Variants in DHX34 observed in about 807,000 individuals in gnomAD.
DHX34 encodes DExH-box helicase 34.
Under a neutral mutation model 111.1 loss-of-function variants are expected in DHX34, and 96 were observed. The observed-to-expected ratio is 0.86, with a 90% CI of 0.73 to 1.02. The LOEUF (loss-of-function observed/expected upper bound fraction) is 1.02. Ranked by LOEUF, DHX34 falls within the 50% of genes least tolerant of loss-of-function variation. DHX34 has a pLI of 0.00. For synonymous variants in DHX34, 688 were observed against 670.4 expected, an observed-to-expected ratio of 1.03 and a Z score of -0.41; for missense variants, 1,560 against 1,579.9, an observed-to-expected ratio of 0.99 and a Z score of 0.21.
At position 47,375,715 on chromosome 19, in the gene DHX34, G is replaced by A. The variant is rs760398144; in HGVS notation, c.2307+7G>A. ...TGATGGCGTGGACATCCAGGTGGGC[G>A]CCATGGGCTGTGGGGTGTGGGGGTT... On this transcript the variant is annotated splice_region_variant and intron_variant, in intron 10 of 16. Transcript: ENST00000328771. 8 of 1,561,430 alleles carry A rather than the reference G, an allele frequency of 5.1e-6. No individual in the cohort carries two copies. The highest frequency in any genetic ancestry group is 2.7e-5 in the African/African-American group (2 of 73,590).
chr19:47,359,300 A>G (rs1599757351), intron 4 of DHX34, among the ~76,000 whole-genome samples: 1 of 152,242 alleles, frequency 6.6e-6, no homozygotes, highest in East Asian at 1.9e-4. Flanking sequence ...TGTCTCTACA[A>G]AACGGAAGAA....
chr19:47,359,519 T>C (rs549337593), intron 4 of DHX34, among the ~76,000 whole-genome samples: 1 of 151,094 alleles, frequency 6.6e-6, no homozygotes, highest in South Asian at 2.1e-4. Context: ...TGGTGGCTCA[T>C]GCCTGTAATC....
chr19:47,376,997 T>C, intron 12 of DHX34, 103 bp from the exon 13 acceptor site: 1 of 1,584,240 alleles, frequency 6.3e-7, no homozygotes, highest in South Asian at 1.1e-5. Flanking sequence ...GCCGTAAGCA[T>C]ACTCTTTCTA....
chr19:47,373,546 C>G (rs536829942), intron 8 of DHX34, 53 bp from the exon 9 acceptor site: 1 of 1,582,740 alleles, frequency 6.3e-7, no homozygotes, highest in Non-Finnish European at 8.6e-7. Context: ...GTCAGCCCCT[C>G]CCTCCCCGCA....
intron 3 of DHX34, among the ~76,000 whole-genome samples, chr19:47,355,838 T>G (rs567858269): frequency 7.3e-5 from 11 of 150,650 alleles, no homozygotes; most frequent in African/African-American, 2.7e-4. Context: ...GGTGACAGAG[T>G]GAGACTTTGT....
At chr19:47,368,862 C>T (rs1251151629) in intron 7 of DHX34, among the ~76,000 whole-genome samples, 1 of 151,774 alleles carries the variant, frequency 6.6e-6, no homozygotes, top group Non-Finnish European at 1.5e-5. Context: ...TGTAGGTGCC[C>T]GCCATCATAC....
chr19:47,367,857 T>C (rs1400891791), intron 7 of DHX34, among the ~76,000 whole-genome samples: 1 of 146,864 alleles, frequency 6.8e-6, no homozygotes, highest in Admixed American at 6.8e-5. Flanking sequence ...GACCATGCCA[T>C]TGTACTCTAG....
At chr19:47,359,865 G>C in intron 4 of DHX34, 103 bp from the exon 5 acceptor site, 1 of 1,581,582 alleles carries the variant, frequency 6.3e-7, no homozygotes, top group Non-Finnish European at 8.6e-7. Context: ...AAGGAGGAAA[G>C]GGTTCCAGGG....
At chr19:47,376,628 A>AG (rs1309821263) in intron 12 of DHX34, 68 bp downstream of exon 12, 3 of 1,521,664 alleles carry the variant, frequency 2.0e-6, no homozygotes, top group Non-Finnish European at 2.6e-6. Context: ...GTGAACTCCC[A>AG]GGCCCCTCTG....
intron 7 of DHX34, among the ~76,000 whole-genome samples, 157 bp downstream of exon 7, chr19:47,367,312 A>G (rs1234372309): frequency 2.6e-5 from 4 of 152,218 alleles, no homozygotes; most frequent in Admixed American, 2.0e-4. Context: ...GGTGCTGGGC[A>G]TATAGCAGTG....
intron 3 of DHX34, among the ~76,000 whole-genome samples, chr19:47,356,048 C>T (rs1252929485): frequency 6.6e-6 from 1 of 152,122 alleles, no homozygotes; most frequent in Non-Finnish European, 1.5e-5. Context: ...ACATTTCAGT[C>T]TGGATAATTC....
intron 13 of DHX34, chr19:47,379,509 C>T (rs1599778718): frequency 9.0e-6 from 8 of 887,544 alleles, no homozygotes; most frequent in Non-Finnish European, 1.1e-5. Flanking sequence ...CAGCCCCCTT[C>T]CCTGACTCAG....
Position 47,382,368 on chromosome 19 carries a change from C to A in DHX34, c.*255C>A. 3 of 589,922 alleles carry A rather than the reference C, an allele frequency of 5.1e-6. No homozygotes were observed. Among genetic ancestry groups the A allele is most frequent in the Non-Finnish European group, 8.2e-6 (3 of 364,592 alleles). 36.5% of individuals were successfully genotyped at this position (589,922 alleles called of 1,614,324 possible). A position where few individuals can be genotyped will look rare whatever the true frequency, so the allele number is the denominator to read the frequency against. ...GGTCTAGCTTTCCTTCTTCCTGCTG[C>A]AGGGTGCTGCCTGAGGGGTCCTGGG... On this transcript the variant is annotated 3_prime_UTR_variant, in exon 17 of 17. Transcript: ENST00000328771.
rs776521345 is a variant in DHX34, at chr19:47,353,524, C to T, written c.494C>T (p.Ala165Val). 30 of 1,613,808 alleles carry T rather than the reference C, an allele frequency of 1.9e-5. No homozygotes were observed. The highest frequency in any genetic ancestry group is 2.4e-5 in the Non-Finnish European group (28 of 1,179,990). Reference protein sequence around the residue: ...LQRERAALPIAQYGNRILQTL... With the variant: ...LQRERAALPIVQYGNRILQTL... ...CGTGAGCGGGCAGCCCTCCCCATCG[C>T]CCAGTATGGGAACCGCATCCTGCAG... The change falls in exon 2 of 17, where the codon GCC becomes GTC. Residue 165 changes from alanine (A) to valine (V), a missense_variant. Transcript: ENST00000328771. This position sits in a 1 kb window ranked among gnomAD's most constrained non-coding sequence, Gnocchi z 4.6.
intron 1 of DHX34, among the ~76,000 whole-genome samples, chr19:47,350,863 G>A (rs1346453242): frequency 6.6e-6 from 1 of 152,100 alleles, no homozygotes; most frequent in Non-Finnish European, 1.5e-5. Context: ...GAGCTGACTA[G>A]GACAGGGAAG....
Position 47,366,669 on chromosome 19 carries a change from C to A in DHX34, c.1594-312C>A, listed in dbSNP as rs1230227943. 7.9e-5 allele frequency among the ~76,000 whole-genome samples: 12 copies of A among 152,198 alleles called. No individual in the cohort carries two copies. In the East Asian group the frequency reaches 2.3e-3, roughly 29 times the overall value. ...GATCTCGGCTTACTGCGATCTCCAC[C>A]TCCTGGGTTCAAGCGATTCTCCTGC... On this transcript the variant is annotated intron_variant, in intron 6 of 16. Transcript: ENST00000328771.
chr19:47,360,668 GTTTGTT>G (rs1471956272), intron 5 of DHX34, among the ~76,000 whole-genome samples: 1 of 147,104 alleles, frequency 6.8e-6, no homozygotes, highest in Non-Finnish European at 1.5e-5. Flanking sequence ...TTGACATTCT[GTTTGTT>G]GTTGTTGTTG....
In DHX34 at chr19:47,379,704, T is replaced by C; in HGVS notation, c.2707-6T>C. The C allele has an allele frequency of 3.1e-6, 5 of 1,590,296 alleles. No homozygotes were observed. Among genetic ancestry groups the C allele is most frequent in the Non-Finnish European group, 4.3e-6 (5 of 1,161,484 alleles). On this transcript the variant is annotated splice_polypyrimidine_tract_variant and splice_region_variant and intron_variant, in intron 13 of 16. Transcript: ENST00000328771. ...TACTCCCTGTCTTCTGCCCCCTCTC[T>C]TTCAGTCCCTCCTGCTTTTTAGCCG...
rs773212779 is a variant in DHX34 at position 47,375,920 on chromosome 19, C to A, written c.2308-4C>A. On this transcript the variant is annotated splice_region_variant and splice_polypyrimidine_tract_variant and intron_variant, in intron 10 of 16. Transcript: ENST00000328771. ...AAGACTCTGCCTCCCCGTGCTCCCC[C>A]CAGGATGTGAAGTTCAAGCTTCGGC... is the stretch of plus-strand genomic sequence containing the variant. The A allele has an allele frequency of 6.2e-7, 1 of 1,601,054 alleles. No homozygotes were observed. The highest frequency in any genetic ancestry group is 2.2e-4 in the Middle Eastern group (1 of 4,542).
Sources: gnomAD v4.1 joint callset for allele counts (sites outside exome capture counted in the v4.1 genomes callset) on GRCh38, gnomAD v4.1.1 for gene constraint, Gnocchi (gnomAD v3.1) non-coding constraint, MANE v1.5 for transcripts, NCBI Gene and HGNC (gene_info 2026-07-23, HGNC 2026-07-21) for gene names.